PMS2: variants seen among roughly 807,000 people sequenced by gnomAD.
PMS2 encodes mismatch repair endonuclease PMS2.
PMS2 carries 69 observed loss-of-function variants against 90.0 expected under a neutral mutation model. That is an observed-to-expected ratio of 0.77 (90% CI 0.63 to 0.94). The LOEUF (loss-of-function observed/expected upper bound fraction) is 0.94. PMS2 is among the 40% of genes least tolerant of loss of function. PMS2 has a pLI of 0.00. For missense variants in PMS2, 966 were observed against 1,040.2 expected, an observed-to-expected ratio of 0.93 and a Z score of 0.98; for synonymous variants, 332 against 375.1, an observed-to-expected ratio of 0.89 and a Z score of 1.33.
At chr7:6,000,474 A>G (rs1784974513) in intron 5 of PMS2, among the ~76,000 whole-genome samples, 2 of 152,104 alleles carry the variant, frequency 1.3e-5, no homozygotes, top group Non-Finnish European at 2.9e-5. Context: ...TCATTATATT[A>G]ACTTATGAAT....
chr7:5,985,561 T>C (rs1421635263), intron 11 of PMS2, among the ~76,000 whole-genome samples: 1 of 150,480 alleles, frequency 6.6e-6, no homozygotes, highest in Non-Finnish European at 1.5e-5. Flanking sequence ...CTTTTTCTTT[T>C]TTTTTTTTTT....
chr7:6,004,704 A>C (rs1785514261), intron 2 of PMS2, among the ~76,000 whole-genome samples: 1 of 149,026 alleles, frequency 6.7e-6, no homozygotes, highest in Admixed American at 6.7e-5. Flanking sequence ...AACAAGAGCA[A>C]AACTCTATCT....
intron 8 of PMS2, among the ~76,000 whole-genome samples, chr7:5,993,108 C>T (rs945437450): frequency 4.6e-4 from 70 of 151,956 alleles, no homozygotes; most frequent in African/African-American, 1.4e-3. Context: ...CGGTGGCTCA[C>T]GCCTGTAATC....
chr7:5,995,381 G>T (rs957156845), intron 8 of PMS2, among the ~76,000 whole-genome samples, 153 bp downstream of exon 8: 4 of 152,126 alleles, frequency 2.6e-5, no homozygotes, highest in African/African-American at 9.7e-5. Flanking sequence ...GGCCATCTGC[G>T]GTAGACTTCT....
chr7:5,997,381 A>G lies in PMS2; in HGVS notation c.748T>C (p.Ser250Pro), dbSNP rs766690351. The change falls in exon 7 of 15, where the codon TCC (serine) becomes CCC (proline). Residue 250 changes from serine (S) to proline (P), a missense_variant. Ser to Pro is a moderately conservative substitution (Grantham distance 74, BLOSUM62 -1). This residue lies in a region of PMS2 where 871 missense variants were observed against 802.4 expected (regional missense o/e 1.09). Coordinates refer to ENST00000265849, the MANE Select transcript of PMS2 (RefSeq NM_000535.7). ...IPFVQLPPSDSVCEEYGLSCS... is the reference protein window; with the variant it reads ...IPFVQLPPSDPVCEEYGLSCS... ...CTCAAACCGTACTCTTCACACACGGAGTCACTAGGGGGCAGCTGAACAAAA... is the reference window on the plus strand; with the variant it reads ...CTCAAACCGTACTCTTCACACACGGGGTCACTAGGGGGCAGCTGAACAAAA... 3.1e-6 allele frequency: 5 copies of G among 1,605,808 alleles called. No individual in the cohort carries two copies. The East Asian group carries it at 1.1e-4, about 36-fold the overall frequency.
At chr7:5,981,179 G>A (rs147240821) in intron 12 of PMS2, among the ~76,000 whole-genome samples, 1 of 151,780 alleles carries the variant, frequency 6.6e-6, no homozygotes, top group East Asian at 1.9e-4. Context: ...GCCGAGGAGA[G>A]AGAAATACCA....
At chr7:5,993,942 T>A (rs1433393983) in intron 8 of PMS2, among the ~76,000 whole-genome samples, 1 of 148,834 alleles carries the variant, frequency 6.7e-6, no homozygotes, top group African/African-American at 2.5e-5. Context: ...TAGAATGTTA[T>A]AAAATGTTTA....
chr7:6,008,884 G>C (rs778168725), intron 1 of PMS2, 113 bp downstream of exon 1: 13 of 1,331,036 alleles, frequency 9.8e-6, no homozygotes, highest in African/African-American at 1.4e-5. Flanking sequence ...CCAGGGGGCT[G>C]CCTCGCCACG....
rs141769057 is a variant in PMS2, at chr7:5,989,848, C to A, written c.1096G>T (p.Asp366Tyr). The A allele has an allele frequency of 6.2e-7, 1 of 1,612,744 alleles. No individual in the cohort carries two copies. Among genetic ancestry groups the A allele is most frequent in the Non-Finnish European group, 8.5e-7 (1 of 1,179,128 alleles). ...TGACTGACATTTAGCTTGTTGACAT[C>A]ACTATCAAACATTCCTATCAAAGAG... ...KTSLIGMFDS[D>Y]VNKLNVSQQP... is the part of the protein sequence containing the mutation. Residue 366 changes from aspartate (D) to tyrosine (Y), a missense_variant, in exon 10 of 15, where the codon GAT (aspartate) becomes TAT (tyrosine). Transcript: ENST00000265849.
At chr7:5,995,256 C>T (rs571726607) in intron 8 of PMS2, among the ~76,000 whole-genome samples, 3 of 152,124 alleles carry the variant, frequency 2.0e-5, no homozygotes, top group African/African-American at 4.8e-5. Context: ...AGGCTGGTCT[C>T]GAACTCCTGG....
chr7:6,002,993 A>G (rs1262166793), intron 4 of PMS2, among the ~76,000 whole-genome samples: 1 of 152,172 alleles, frequency 6.6e-6, no homozygotes, highest in Non-Finnish European at 1.5e-5. Flanking sequence ...CAAATATTAT[A>G]ATTAAAATGT....
At chr7:5,988,230 T>C (rs1583327006) in intron 10 of PMS2, among the ~76,000 whole-genome samples, 1 of 152,046 alleles carries the variant, frequency 6.6e-6, no homozygotes. Flanking sequence ...TCTCTGGGAA[T>C]ACCTCCTAAA....
intron 2 of PMS2, 97 bp downstream of exon 2, chr7:6,005,795 A>G (rs1785672318): frequency 5.1e-6 from 8 of 1,579,360 alleles, no homozygotes; most frequent in Middle Eastern, 2.3e-4. Flanking sequence ...TTATTACTAC[A>G]TCAACACTTG....
intron 1 of PMS2, among the ~76,000 whole-genome samples, chr7:6,006,428 G>A (rs1198341313): frequency 1.3e-5 from 2 of 152,162 alleles, no homozygotes; most frequent in East Asian, 1.9e-4. Context: ...GAGATGGGTG[G>A]ATAACTTGAG....
At chr7:5,994,637 G>T (rs567569993) in intron 8 of PMS2, among the ~76,000 whole-genome samples, 1 of 151,588 alleles carries the variant, frequency 6.6e-6, no homozygotes, top group Non-Finnish European at 1.5e-5. Flanking sequence ...TTAACCAGGC[G>T]TGGTGGCAGG....
rs1554297488 is a variant in PMS2 at position 5,987,159 on chromosome 7, G to C, written c.1606C>G (p.Gln536Glu). The change falls in exon 11 of 15, where the codon CAG (glutamine) becomes GAG (glutamate). Residue 536 changes from glutamine to glutamate, a missense_variant. Transcript: ENST00000265849. ...DRGSQEHVDS[Q>E]EKAPKTDDSF... is the part of the protein sequence containing the mutation. ...TCGTCAGTTTTAGGCGCTTTCTCCT[G>C]AGAGTCCACATGTTCCTGCGAGCCC... 6.2e-7 allele frequency: 1 copy of C among 1,613,898 alleles called. No individual in the cohort carries two copies. The highest frequency in any genetic ancestry group is 8.5e-7 in the Non-Finnish European group (1 of 1,179,888).
rs1783502866 is a variant in PMS2 at position 5,989,760 on chromosome 7, A to T, written c.1144+40T>A. Reference sequence around the variant, plus strand: ...GAAAAAATAAGGAAACACATTAGCTAAAAGCTTTAGAAGCTGTTTGTACAC... The same window carrying T: ...GAAAAAATAAGGAAACACATTAGCTTAAAGCTTTAGAAGCTGTTTGTACAC... On this transcript the variant is annotated intron_variant, in intron 10 of 14. Transcript: ENST00000265849. The T allele has an allele frequency of 2.0e-6, 3 of 1,532,484 alleles. No homozygotes were observed. In the East Asian group the frequency reaches 6.8e-5, roughly 35 times the overall value. The allele number at this position is 1,532,484 out of a possible 1,614,324, so 94.9% of individuals were successfully genotyped here. A position where few individuals can be genotyped will look rare whatever the true frequency, so the allele number is the denominator to read the frequency against.
At chr7:5,990,361 T>C (rs1465533392) in intron 9 of PMS2, among the ~76,000 whole-genome samples, 3 of 152,220 alleles carry the variant, frequency 2.0e-5, no homozygotes, top group Admixed American at 1.3e-4. Context: ...TTCACTTGTA[T>C]TTATCACAAG....
At chr7:5,983,098 A>G in intron 11 of PMS2, 107 bp from the exon 12 acceptor site, 2 of 1,496,422 alleles carry the variant, frequency 1.3e-6, no homozygotes, top group East Asian at 2.4e-5. Context: ...AAAACAAAAT[A>G]AAGTCCCTAG....
Sources: allele counts gnomAD v4.1 joint callset (sites outside exome capture counted in the v4.1 genomes callset), GRCh38; gene constraint gnomAD v4.1.1; regional missense constraint gnomAD v4.1.1; transcripts MANE v1.5; gene names NCBI Gene and HGNC (gene_info 2026-07-23, HGNC 2026-07-21).